SGCZ: variants seen among roughly 807,000 people sequenced by gnomAD.
SGCZ encodes zeta-sarcoglycan.
SGCZ carries 40 observed loss-of-function variants against 41.3 expected under a neutral mutation model. The observed-to-expected ratio is 0.97, with a 90% CI of 0.75 to 1.26. The LOEUF is 1.26. SGCZ is among the 50% of genes most tolerant of loss of function. The pLI, the probability that SGCZ is intolerant of heterozygous loss-of-function variation, is 0.00. For missense variants in SGCZ, 552 were observed against 369.8 expected, an observed-to-expected ratio of 1.49 and a Z score of -4.04; for synonymous variants, 206 against 137.5, an observed-to-expected ratio of 1.50 and a Z score of -3.49.
At chr8:14,688,455 C>T (rs1285860515) in intron 1 of SGCZ, among the ~76,000 whole-genome samples, 1 of 152,086 alleles carries the variant, frequency 6.6e-6, no homozygotes, top group African/African-American at 2.4e-5. Context: ...ATAGGGAATC[C>T]ATTCCCCATT....
intron 1 of SGCZ, among the ~76,000 whole-genome samples, chr8:14,646,425 A>G (rs931051764): frequency 4.0e-5 from 6 of 149,992 alleles, no homozygotes; most frequent in African/African-American, 1.5e-4. Context: ...GTGTATATGT[A>G]CTACATTTTC....
chr8:14,924,537 CA>C (rs35705220), intron 1 of SGCZ, among the ~76,000 whole-genome samples: 54,213 of 147,816 alleles, frequency 0.37, 10,116 homozygotes, highest in Non-Finnish European at 0.41. Context: ...TGAATAAGTA[CA>C]AAAAAAAAAG....
In SGCZ at chr8:14,085,687, G is replaced by T. The variant is rs1455112596; in HGVS notation, c.*4756C>A. 6.6e-6 allele frequency among the ~76,000 whole-genome samples: 1 copy of T among 151,712 alleles called. No homozygotes were observed. The highest frequency in any genetic ancestry group is 1.9e-4 in the East Asian group (1 of 5,150). On this transcript the variant is annotated 3_prime_UTR_variant, in exon 8 of 8. Transcript: ENST00000382080. ...GGGCCCATTTTGGGATACGGTCTTT[G>T]CATATAGGTTTTATGAATACCAAGG...
chr8:14,271,741 G>C (rs1481207883), intron 3 of SGCZ, among the ~76,000 whole-genome samples: 4 of 152,014 alleles, frequency 2.6e-5, no homozygotes, highest in Non-Finnish European at 4.4e-5. Flanking sequence ...CTACTTCCTT[G>C]TCCGCTTCTA....
chr8:14,527,938 C>T (rs1352172809), intron 2 of SGCZ, among the ~76,000 whole-genome samples: 1 of 151,954 alleles, frequency 6.6e-6, no homozygotes, highest in Non-Finnish European at 1.5e-5. Flanking sequence ...CATGCAAAAA[C>T]ATACTGTGAG....
At chr8:14,424,925 A>C (rs1257819535) in intron 2 of SGCZ, among the ~76,000 whole-genome samples, 1 of 152,218 alleles carries the variant, frequency 6.6e-6, no homozygotes, top group East Asian at 1.9e-4. Flanking sequence ...AGCCTCTCAT[A>C]CTAAGTAAAT....
chr8:14,749,599 C>T lies in SGCZ; in HGVS notation c.40-194673G>A, dbSNP rs371482184. 4.6e-5 allele frequency among the ~76,000 whole-genome samples: 7 copies of T among 152,082 alleles called. No homozygotes were observed. The East Asian group carries it at 1.3e-3, about 29-fold the overall frequency. Reference sequence around the variant, plus strand: ...TTGATGATAGTGGTCTATTCTGGGACATTTTTCAAAAGCAAGGCCCAAATT... The same window carrying T: ...TTGATGATAGTGGTCTATTCTGGGATATTTTTCAAAAGCAAGGCCCAAATT... On this transcript the variant is annotated intron_variant, in intron 1 of 7. Coordinates refer to ENST00000382080, the MANE Select transcript of SGCZ (RefSeq NM_139167.4).
intron 2 of SGCZ, among the ~76,000 whole-genome samples, chr8:14,362,338 C>G (rs1028144323): frequency 6.6e-6 from 1 of 152,180 alleles, no homozygotes; most frequent in Non-Finnish European, 1.5e-5. Context: ...CTGCCCAGTT[C>G]GAGCTTTCCT....
chr8:15,101,020 AT>A (rs1806592698), intron 1 of SGCZ, among the ~76,000 whole-genome samples: 1 of 152,166 alleles, frequency 6.6e-6, no homozygotes. Flanking sequence ...ACCATTTGTA[AT>A]AAAAAACAAA....
chr8:15,081,759 G>A (rs1024245168), intron 1 of SGCZ, among the ~76,000 whole-genome samples: 1 of 152,162 alleles, frequency 6.6e-6, no homozygotes, highest in African/African-American at 2.4e-5. Context: ...AGCTTAGAAT[G>A]TGAGAGAAAA....
In SGCZ at chr8:14,246,503, G is replaced by A. The variant is rs1284970241; in HGVS notation, c.337-8824C>T. ...GGAGATATACCTAATGCTAAATGAC[G>A]AGTTAATGGGTGCAGCACACCAGCA... is the stretch of plus-strand genomic sequence containing the variant. On this transcript the variant is annotated intron_variant, in intron 3 of 7. Transcript: ENST00000382080. 2.6e-5 allele frequency among the ~76,000 whole-genome samples: 4 copies of A among 151,536 alleles called. No homozygotes were observed. In the East Asian group the frequency reaches 7.8e-4, roughly 30 times the overall value.
chr8:15,181,168 T>G (rs548295123), intron 1 of SGCZ, among the ~76,000 whole-genome samples: 1 of 152,200 alleles, frequency 6.6e-6, no homozygotes, highest in Admixed American at 6.5e-5. Context: ...CCAAACAATT[T>G]TTACAGGAAA....
At chr8:14,112,291 G>C (rs541756679) in intron 5 of SGCZ, among the ~76,000 whole-genome samples, 1 of 149,512 alleles carries the variant, frequency 6.7e-6, no homozygotes, top group East Asian at 2.0e-4. Context: ...TGTGGGGGGG[G>C]GGTGCAAAGA....
intron 5 of SGCZ, among the ~76,000 whole-genome samples, chr8:14,120,318 A>G (rs1802659461): frequency 6.6e-6 from 1 of 152,162 alleles, no homozygotes; most frequent in African/African-American, 2.4e-5. Context: ...ATCATGATTA[A>G]CCACAATAAT....
chr8:14,291,059 C>T (rs1214841555), intron 3 of SGCZ, among the ~76,000 whole-genome samples: 1 of 151,942 alleles, frequency 6.6e-6, no homozygotes, highest in Non-Finnish European at 1.5e-5. Context: ...ACTTGGAGGA[C>T]ATTAAGTAAA....
intron 5 of SGCZ, among the ~76,000 whole-genome samples, chr8:14,118,329 G>T (rs1802588100): frequency 6.6e-6 from 1 of 152,186 alleles, no homozygotes; most frequent in Non-Finnish European, 1.5e-5. Flanking sequence ...CAGTGATGGT[G>T]AGGTGTTTTT....
intron 2 of SGCZ, among the ~76,000 whole-genome samples, chr8:14,449,918 T>C (rs368278734): frequency 1.3e-5 from 2 of 152,256 alleles, no homozygotes; most frequent in African/African-American, 2.4e-5. Flanking sequence ...AACAACATCA[T>C]GTACAAAACT....
At chr8:15,207,118 G>A (rs1208746214) in intron 1 of SGCZ, among the ~76,000 whole-genome samples, 2 of 152,138 alleles carry the variant, frequency 1.3e-5, no homozygotes, top group Non-Finnish European at 2.9e-5. Flanking sequence ...TGAGAGTTCT[G>A]GAATCACTGA....
intron 1 of SGCZ, among the ~76,000 whole-genome samples, chr8:14,821,445 G>T (rs1585291124): frequency 6.6e-6 from 1 of 151,762 alleles, no homozygotes; most frequent in Non-Finnish European, 1.5e-5. Context: ...TAAAGATGAG[G>T]GAAAACTTCC....
Sources: allele counts gnomAD v4.1 joint callset (sites outside exome capture counted in the v4.1 genomes callset), GRCh38; gene constraint gnomAD v4.1.1; transcripts MANE v1.5; gene names NCBI Gene and HGNC (gene_info 2026-07-23, HGNC 2026-07-21).